Variants in CNTN4 observed in about 807,000 individuals in gnomAD.
CNTN4 encodes contactin-4.
In CNTN4, 77 loss-of-function variants were observed where a neutral mutation model predicts 122.5. The observed-to-expected ratio is 0.63, with a 90% CI of 0.52 to 0.76. The LOEUF is 0.76. Ranked by LOEUF, CNTN4 falls within the 30% of genes least tolerant of loss-of-function variation. CNTN4 has a pLI of 0.00. For missense variants in CNTN4, 1,256 were observed against 1,259.1 expected, an observed-to-expected ratio of 1.00 and a Z score of 0.04; for synonymous variants, 512 against 447.0, an observed-to-expected ratio of 1.15 and a Z score of -1.83.
chr3:2,355,461 A>C (rs376595512), intron 3 of CNTN4, among the ~76,000 whole-genome samples: 27 of 152,322 alleles, frequency 1.8e-4, no homozygotes, highest in African/African-American at 5.8e-4. Flanking sequence ...TGAAGGATAC[A>C]GGGAATCTCA....
chr3:2,841,564 C>CA lies in CNTN4; in HGVS notation c.454+21986dup, dbSNP rs1184891910. Reference sequence around the variant, plus strand: ...TTATTCCCAATCGGGCTCCAACCCTCAAACTATATTTGGCCATTGGCTTCG... The same window carrying CA: ...TTATTCCCAATCGGGCTCCAACCCTCAAAACTATATTTGGCCATTGGCTTCG... On this transcript the variant is annotated intron_variant, in intron 7 of 24. Coordinates refer to ENST00000418658, the MANE Select transcript of CNTN4 (RefSeq NM_175607.3). This position sits in a 1 kb window ranked among gnomAD's most constrained non-coding sequence, Gnocchi z 4.8. Among the ~76,000 whole-genome samples, 3 of 152,190 alleles carry CA rather than the reference C, an allele frequency of 2.0e-5. No homozygotes were observed. Among genetic ancestry groups the CA allele is most frequent in the African/African-American group, 7.2e-5 (3 of 41,446 alleles).
Position 2,575,809 on chromosome 3 carries a change from C to T in CNTN4, c.55+4251C>T, listed in dbSNP as rs146687447. Among the ~76,000 whole-genome samples, 550 of 101,228 alleles carry T rather than the reference C, an allele frequency of 5.4e-3. 12 individuals carry two copies. The highest frequency in any genetic ancestry group is 0.022 in the South Asian group (67 of 3,010). The allele number at this position is 101,228 out of a possible 152,430, so 66.4% of individuals were successfully genotyped here. A position where few individuals can be genotyped will look rare whatever the true frequency, so the allele number is the denominator to read the frequency against. On this transcript the variant is annotated intron_variant, in intron 4 of 24. Coordinates refer to ENST00000418658, the MANE Select transcript of CNTN4 (RefSeq NM_175607.3). Reference sequence around the variant, plus strand: ...TGATATATTTTGCTTTCTTCTTCTTCTTTTTTTTTTTTTTTTTTTTTTTTT... The same window carrying T: ...TGATATATTTTGCTTTCTTCTTCTTTTTTTTTTTTTTTTTTTTTTTTTTTT...
At chr3:2,337,758 G>A (rs2044013476) in intron 2 of CNTN4, among the ~76,000 whole-genome samples, 1 of 151,838 alleles carries the variant, frequency 6.6e-6, no homozygotes, top group Non-Finnish European at 1.5e-5. Flanking sequence ...TTTCTGTGAA[G>A]AAGAAAAAAT....
chr3:2,801,651 TGTC>T (rs2092349733), intron 6 of CNTN4, among the ~76,000 whole-genome samples: 1 of 150,408 alleles, frequency 6.6e-6, no homozygotes, highest in African/African-American at 2.5e-5. Flanking sequence ...CTTGTATCAT[TGTC>T]GTGATTAAGA....
At chr3:2,254,193 T>A (rs1448717251) in intron 2 of CNTN4, among the ~76,000 whole-genome samples, 2 of 152,154 alleles carry the variant, frequency 1.3e-5, no homozygotes, top group Non-Finnish European at 2.9e-5. Flanking sequence ...TCCAGCTTCA[T>A]CCATGTCCCT....
At chr3:2,711,427 C>G (rs2087144524) in intron 4 of CNTN4, among the ~76,000 whole-genome samples, 2 of 152,224 alleles carry the variant, frequency 1.3e-5, no homozygotes, top group African/African-American at 4.8e-5. Flanking sequence ...TATATGAAAG[C>G]AGACACCAGC....
chr3:2,671,894 C>T (rs147151074), intron 4 of CNTN4, among the ~76,000 whole-genome samples: 8,045 of 152,268 alleles, frequency 0.053, 249 homozygotes, highest in African/African-American at 0.069. Flanking sequence ...GTATCAGCAG[C>T]GGAGGCTGCA....
intron 4 of CNTN4, among the ~76,000 whole-genome samples, chr3:2,658,716 G>T (rs1006969970): frequency 2.6e-5 from 4 of 152,114 alleles, no homozygotes; most frequent in African/African-American, 7.2e-5. Flanking sequence ...TGGGAAGTGA[G>T]TAGTAGTATT....
chr3:2,456,946 A>G (rs2049027413), intron 3 of CNTN4, among the ~76,000 whole-genome samples: 1 of 152,138 alleles, frequency 6.6e-6, no homozygotes, highest in South Asian at 2.1e-4. Flanking sequence ...GGAACTCTTT[A>G]GATTCTCAGA....
At chr3:2,273,047 A>T (rs913905081) in intron 2 of CNTN4, among the ~76,000 whole-genome samples, 8 of 152,188 alleles carry the variant, frequency 5.3e-5, no homozygotes, top group Non-Finnish European at 1.2e-4. Flanking sequence ...AGATTAGCTA[A>T]GCTTAGAAGA....
At chr3:2,563,438 C>A (rs1290736373) in intron 3 of CNTN4, among the ~76,000 whole-genome samples, 2 of 152,110 alleles carry the variant, frequency 1.3e-5, no homozygotes, top group Non-Finnish European at 2.9e-5. Context: ...ACAAATAATA[C>A]AGAAACTACT....
intron 8 of CNTN4, among the ~76,000 whole-genome samples, chr3:2,875,281 A>G (rs112661959): frequency 0.018 from 2,696 of 152,146 alleles, 88 homozygotes; most frequent in African/African-American, 0.061. Context: ...CCATGCCCGG[A>G]CAGTTGTATC....
intron 3 of CNTN4, among the ~76,000 whole-genome samples, chr3:2,465,664 G>A (rs372163193): frequency 1.1e-3 from 166 of 152,118 alleles, no homozygotes; most frequent in African/African-American, 3.7e-3. Context: ...GCGACACAGC[G>A]AGACTCCATC....
chr3:2,655,342 G>A (rs921620279), intron 4 of CNTN4, among the ~76,000 whole-genome samples: 1 of 152,170 alleles, frequency 6.6e-6, no homozygotes, highest in African/African-American at 2.4e-5. Flanking sequence ...ATGTATGTGA[G>A]GCTTTCTATT....
chr3:2,138,082 T>TTC (rs2034797341), intron 2 of CNTN4, among the ~76,000 whole-genome samples: 1 of 151,620 alleles, frequency 6.6e-6, no homozygotes, highest in Admixed American at 6.6e-5. Flanking sequence ...TTTTTTTTTT[T>TTC]TCGAGACGGA....
chr3:2,797,920 A>ATTTTTTT (rs10684232), intron 6 of CNTN4, among the ~76,000 whole-genome samples: 13 of 137,838 alleles, frequency 9.4e-5, no homozygotes, highest in Non-Finnish European at 1.4e-4. Flanking sequence ...CACACTGAGT[A>ATTTTTTT]TTTTTTTTTT....
At chr3:2,443,076 A>G (rs1393936680) in intron 3 of CNTN4, among the ~76,000 whole-genome samples, 1 of 152,074 alleles carries the variant, frequency 6.6e-6, no homozygotes, top group Non-Finnish European at 1.5e-5. Flanking sequence ...TAATGTATAC[A>G]ACAAACGCCC....
chr3:3,049,617 A>C (rs58391287), intron 23 of CNTN4, among the ~76,000 whole-genome samples: 200 of 152,326 alleles, frequency 1.3e-3, no homozygotes, highest in African/African-American at 4.1e-3. Flanking sequence ...GCAGAGAAAA[A>C]GAGGCTAGAG....
At chr3:2,916,972 G>T (rs2094368315) in intron 12 of CNTN4, among the ~76,000 whole-genome samples, 1 of 133,492 alleles carries the variant, frequency 7.5e-6, no homozygotes, top group Non-Finnish European at 1.6e-5. Context: ...GGAGGTTGCA[G>T]CGAGCCGAGA....
Sources: allele counts gnomAD v4.1 joint callset (sites outside exome capture counted in the v4.1 genomes callset), GRCh38; gene constraint gnomAD v4.1.1; non-coding constraint Gnocchi (gnomAD v3.1); transcripts MANE v1.5; gene names NCBI Gene and HGNC (gene_info 2026-07-23, HGNC 2026-07-21).